Variants in VASN observed in about 807,000 individuals in gnomAD.
VASN encodes the protein protein slit-like 2.
In VASN, 5 loss-of-function variants were observed where a neutral mutation model predicts 4.8. The ratio of observed to expected loss-of-function variants is 1.03; its 90% CI spans 0.54 to 2.17. The LOEUF (loss-of-function observed/expected upper bound fraction) is 2.17, where lower values mean the gene tolerates loss of function less well. Among genes scored for constraint, VASN ranks in the 30% most tolerant of loss-of-function variants. The pLI is 0.01. For missense variants in VASN, 927 were observed against 948.8 expected, an observed-to-expected ratio of 0.98 and a Z score of 0.30; for synonymous variants, 499 against 460.8, an observed-to-expected ratio of 1.08 and a Z score of -1.06.
rs777997851 is a variant in VASN, at chr16:4,381,045, G to T, written c.168G>T (p.Gly56=). Residue 56 remains glycine, a synonymous_variant, in exon 2 of 2, where the codon GGG becomes GGT. Transcript: ENST00000304735. ...GAGACGTGCCACCCGACACGGTGGG[G>T]CTGTACGTCTTTGAGAACGGCATCA... ...VPRDVPPDTV[G]LYVFENGITM... is the part of the protein sequence containing the mutation. 6.2e-7 allele frequency: 1 copy of T among 1,610,628 alleles called. No individual in the cohort carries two copies. Among genetic ancestry groups the T allele is most frequent in the East Asian group, 2.2e-5 (1 of 44,758 alleles).
chr16:4,381,063 C>T lies in VASN; in HGVS notation c.186C>T (p.Asn62=), dbSNP rs370504239. The change falls in exon 2 of 2, where the codon AAC becomes AAT. Residue 62 remains asparagine (N), a synonymous_variant. Transcript: ENST00000304735. The stretch of plus-strand genomic sequence containing the variant: ...CGGTGGGGCTGTACGTCTTTGAGAA[C>T]GGCATCACCATGCTCGACGCAGGCA... ...PDTVGLYVFE[N]GITMLDAGSF... 3.4e-5 allele frequency: 55 copies of T among 1,610,326 alleles called. 1 individual carries two copies. In the African/African-American group the frequency reaches 3.7e-4, roughly 11 times the overall value.
rs1222938605 is a variant in VASN, at chr16:4,383,494, C to T, written c.*595C>T. 6.0e-6 allele frequency: 1 copy of T among 166,998 alleles called. No homozygotes were observed. Among genetic ancestry groups the T allele is most frequent in the East Asian group, 1.9e-4 (1 of 5,206 alleles). 10.3% of individuals were successfully genotyped at this position (166,998 alleles called of 1,614,324 possible). A position where few individuals can be genotyped will look rare whatever the true frequency, so the allele number is the denominator to read the frequency against. On this transcript the variant is annotated 3_prime_UTR_variant, in exon 2 of 2. Transcript: ENST00000304735. ...GTAAGACAAACGATGATATGAAGGC[C>T]TTTTGTAAGAAAAAATAAAAGATGA... is the stretch of plus-strand genomic sequence containing the variant.
At chr16:4,372,996 C>G (rs1259929180) in intron 1 of VASN, among the ~76,000 whole-genome samples, 1 of 152,166 alleles carries the variant, frequency 6.6e-6, no homozygotes, top group African/African-American at 2.4e-5. Context: ...TCCCTTCACA[C>G]TAGACTGTAC....
intron 1 of VASN, among the ~76,000 whole-genome samples, chr16:4,373,675 G>A (rs575217022): frequency 6.6e-6 from 1 of 152,282 alleles, no homozygotes; most frequent in African/African-American, 2.4e-5. Flanking sequence ...ACAGCCCCGG[G>A]GGAGCTGGGA....
At chr16:4,375,009 C>G (rs961404367) in intron 1 of VASN, among the ~76,000 whole-genome samples, 4 of 152,100 alleles carry the variant, frequency 2.6e-5, no homozygotes, top group Non-Finnish European at 5.9e-5. Context: ...TGCCGCGTGC[C>G]GAAAGTGGCA....
intron 1 of VASN, among the ~76,000 whole-genome samples, chr16:4,379,134 G>T (rs2054861972): frequency 6.6e-6 from 1 of 152,106 alleles, no homozygotes; most frequent in South Asian, 2.1e-4. Flanking sequence ...CCAGCCTGGG[G>T]CGGAGTGCAG....
chr16:4,378,511 A>G (rs1466409149), intron 1 of VASN, among the ~76,000 whole-genome samples: 2 of 152,104 alleles, frequency 1.3e-5, no homozygotes, highest in African/African-American at 4.8e-5. Context: ...CCACATCTGG[A>G]GGCCAGGCCG....
rs757559169 is a variant in VASN, at chr16:4,381,117, C to T, written c.240C>T (p.Leu80=). ...GSFAGLPGLQ[L]LDLSQNQIAS... ...TTGCCGGCCTGCCGGGCCTGCAGCT[C>T]CTGGACCTGTCACAGAACCAGATCG... Residue 80 remains leucine (L), a synonymous_variant, in exon 2 of 2, where the codon CTC becomes CTT. Coordinates refer to ENST00000304735, the MANE Select transcript of VASN (RefSeq NM_138440.3). 1 of 1,609,766 alleles carries T rather than the reference C, an allele frequency of 6.2e-7. No homozygotes were observed. Among genetic ancestry groups the T allele is most frequent in the Non-Finnish European group, 8.5e-7 (1 of 1,178,702 alleles).
rs1372875798 is a variant in VASN, at chr16:4,381,959, C to T, written c.1082C>T (p.Thr361Met). 22 of 1,608,688 alleles carry T rather than the reference C, an allele frequency of 1.4e-5. No homozygotes were observed. The highest frequency in any genetic ancestry group is 3.3e-4 in the Middle Eastern group (2 of 6,050). Residue 361 changes from threonine (T) to methionine (M), a missense_variant, in exon 2 of 2, where the codon ACG (threonine) becomes ATG (methionine). Physicochemically the swap from Thr to Met is moderately conservative, Grantham distance 81. Transcript: ENST00000304735. ...ATTTTATVPT[T>M]RPVVREPTAL... ...ACCACCACAGCCACAGTGCCCACCA[C>T]GAGGCCCGTGGTGCGGGAGCCCACA...
chr16:4,381,105 G>T lies in VASN; in HGVS notation c.228G>T (p.Pro76=), dbSNP rs781143099. 1.2e-6 allele frequency: 2 copies of T among 1,608,720 alleles called. No homozygotes were observed. Among genetic ancestry groups the T allele is most frequent in the South Asian group, 1.1e-5 (1 of 90,564 alleles). ...MLDAGSFAGL[P]GLQLLDLSQN... is the part of the protein sequence containing the mutation. ...ACGCAGGCAGCTTTGCCGGCCTGCCGGGCCTGCAGCTCCTGGACCTGTCAC... is the reference window on the plus strand; with the variant it reads ...ACGCAGGCAGCTTTGCCGGCCTGCCTGGCCTGCAGCTCCTGGACCTGTCAC... Residue 76 remains proline, a synonymous_variant, in exon 2 of 2, where the codon CCG becomes CCT. Coordinates refer to ENST00000304735, the MANE Select transcript of VASN (RefSeq NM_138440.3).
At chr16:4,375,155 G>A (rs2054674801) in intron 1 of VASN, among the ~76,000 whole-genome samples, 1 of 152,230 alleles carries the variant, frequency 6.6e-6, no homozygotes, top group Non-Finnish European at 1.5e-5. Context: ...TTGAGCTGGG[G>A]CCTGGCCTTA....
At position 4,382,827 on chromosome 16, in the gene VASN, G is replaced by A; in HGVS notation, c.1950G>A (p.Glu650=). ...GGGEALPSGS[E]CEVPLMGFPG... Reference sequence around the variant, plus strand: ...GAGAGGCCCTGCCCAGCGGGTCTGAGTGTGAGGTGCCACTCATGGGCTTCC... The same window carrying A: ...GAGAGGCCCTGCCCAGCGGGTCTGAATGTGAGGTGCCACTCATGGGCTTCC... Residue 650 remains glutamate, a synonymous_variant, in exon 2 of 2, where the codon GAG becomes GAA. Coordinates refer to ENST00000304735, the MANE Select transcript of VASN (RefSeq NM_138440.3). 1 of 1,598,918 alleles carries A rather than the reference G, an allele frequency of 6.3e-7. No individual in the cohort carries two copies.
chr16:4,376,462 C>G (rs112000476), intron 1 of VASN, among the ~76,000 whole-genome samples: 1 of 152,178 alleles, frequency 6.6e-6, no homozygotes, highest in Non-Finnish European at 1.5e-5. Context: ...CTGAAGCATA[C>G]GGCACAGGAG....
intron 1 of VASN, among the ~76,000 whole-genome samples, chr16:4,377,221 C>G (rs968810575): frequency 6.6e-6 from 1 of 152,136 alleles, no homozygotes; most frequent in Non-Finnish European, 1.5e-5. Context: ...TCCCACCCCC[C>G]GACGTCCCCG....
At chr16:4,374,285 G>A (rs1050505658) in intron 1 of VASN, among the ~76,000 whole-genome samples, 10 of 152,176 alleles carry the variant, frequency 6.6e-5, no homozygotes, top group Admixed American at 2.0e-4. Flanking sequence ...AGAGTCAGCC[G>A]GATCGCTTTC....
chr16:4,382,848 C>A lies in VASN; in HGVS notation c.1971C>A (p.Gly657=). 1 of 1,589,206 alleles carries A rather than the reference C, an allele frequency of 6.3e-7. No homozygotes were observed. Among genetic ancestry groups the A allele is most frequent in the Non-Finnish European group, 8.6e-7 (1 of 1,169,080 alleles). The stretch of plus-strand genomic sequence containing the variant: ...CTGAGTGTGAGGTGCCACTCATGGG[C>A]TTCCCAGGGCCTGGCCTCCAGTCAC... ...SGSECEVPLM[G]FPGPGLQSPL... The change falls in exon 2 of 2, where the codon GGC becomes GGA. Residue 657 remains glycine, a synonymous_variant. Transcript: ENST00000304735.
rs899838152 is a variant in VASN at position 4,382,263 on chromosome 16, G to A, written c.1386G>A (p.Arg462=). Reference sequence around the variant, plus strand: ...CACCAGTCACGCCGAGGCCACCACGGTCCCTGACCCTGGGCATCGAGCCGG... The same window carrying A: ...CACCAGTCACGCCGAGGCCACCACGATCCCTGACCCTGGGCATCGAGCCGG... ...SPTPVTPRPP[R]SLTLGIEPVS... Residue 462 remains arginine (R), a synonymous_variant, in exon 2 of 2, where the codon CGG becomes CGA. Transcript: ENST00000304735. 6.2e-7 allele frequency: 1 copy of A among 1,608,516 alleles called. No individual in the cohort carries two copies. Among genetic ancestry groups the A allele is most frequent in the Non-Finnish European group, 8.5e-7 (1 of 1,178,502 alleles).
chr16:4,382,606 C>T lies in VASN; in HGVS notation c.1729C>T (p.Leu577Phe). ...GGCCCGCGAGGGCAACCTGCCGCTC[C>T]TCATTGCGCCCGCCCTGGCCGCGGT... ...TQAREGNLPL[L>F]IAPALAAVLL... The change falls in exon 2 of 2, where the codon CTC (leucine) becomes TTC (phenylalanine). Residue 577 changes from leucine to phenylalanine, a missense_variant. Physicochemically the swap from Leu to Phe is conservative, Grantham distance 22 (BLOSUM62 0). Coordinates refer to ENST00000304735, the MANE Select transcript of VASN (RefSeq NM_138440.3). 1.3e-6 allele frequency: 2 copies of T among 1,588,650 alleles called. No individual in the cohort carries two copies. The highest frequency in any genetic ancestry group is 1.7e-6 in the Non-Finnish European group (2 of 1,169,166).
chr16:4,377,824 A>C lies in VASN; in HGVS notation c.-9-3045A>C, dbSNP rs556704342. Reference sequence around the variant, plus strand: ...GGGCTCAGGCAAAAGAGCTCACCGCACATTTTACGGGGCTGGGAAGCAGGC... The same window carrying C: ...GGGCTCAGGCAAAAGAGCTCACCGCCCATTTTACGGGGCTGGGAAGCAGGC... On this transcript the variant is annotated intron_variant, in intron 1 of 1. Transcript: ENST00000304735. Among the ~76,000 whole-genome samples, 485 of 152,274 alleles carry C rather than the reference A, an allele frequency of 3.2e-3. 4 individuals are homozygous for C. Among genetic ancestry groups the C allele is most frequent in the Middle Eastern group, 0.01 (3 of 294 alleles).
Sources: allele counts gnomAD v4.1 joint callset (sites outside exome capture counted in the v4.1 genomes callset), GRCh38; gene constraint gnomAD v4.1.1; transcripts MANE v1.5; gene names NCBI Gene and HGNC (gene_info 2026-07-23, HGNC 2026-07-21).